Variants in IL12RB1 observed in about 807,000 individuals in gnomAD.
IL12RB1 encodes interleukin-12 receptor subunit beta-1.
Under a neutral mutation model 94.4 loss-of-function variants are expected in IL12RB1, and 64 were observed. The ratio of observed to expected loss-of-function variants is 0.68; its 90% CI spans 0.55 to 0.83. The LOEUF (loss-of-function observed/expected upper bound fraction) is 0.83, where lower values mean the gene tolerates loss of function less well. Ranked by LOEUF, IL12RB1 falls within the 40% of genes least tolerant of loss-of-function variation. The pLI is 0.00. For synonymous variants in IL12RB1, 362 were observed against 355.5 expected (o/e 1.02, Z -0.21); for missense variants, 814 against 855.6 (o/e 0.95, Z 0.61).
chr19:18,070,321 C>T (rs1568496593), intron 9 of IL12RB1, among the ~76,000 whole-genome samples: 2 of 152,262 alleles, frequency 1.3e-5, no homozygotes, highest in Non-Finnish European at 2.9e-5. Flanking sequence ...ATTACACCCA[C>T]TTCCAGCCTT....
At chr19:18,083,378 G>C (rs550185133) in intron 2 of IL12RB1, 54 bp downstream of exon 2, 1 of 1,538,898 alleles carries the variant, frequency 6.5e-7, no homozygotes, top group Admixed American at 1.7e-5. Flanking sequence ...CTGTGGATGG[G>C]GTCAGGCAGA....
intron 15 of IL12RB1, among the ~76,000 whole-genome samples, chr19:18,060,669 T>C (rs1448134866): frequency 6.6e-6 from 1 of 152,064 alleles, no homozygotes; most frequent in African/African-American, 2.4e-5. Flanking sequence ...CATCAGACCC[T>C]TCCCTACCCC....
At chr19:18,095,043 G>A (rs764908026) in intron 1 of IL12RB1, among the ~76,000 whole-genome samples, 5 of 152,038 alleles carry the variant, frequency 3.3e-5, no homozygotes, top group Admixed American at 1.3e-4. Flanking sequence ...GCTGGGAGTG[G>A]TGGCGGGTGT....
chr19:18,093,075 T>C (rs1402059855), intron 1 of IL12RB1, among the ~76,000 whole-genome samples: 1 of 151,464 alleles, frequency 6.6e-6, no homozygotes, highest in African/African-American at 2.4e-5. Context: ...GAGGCTGAGG[T>C]GGGTGGATCG....
Position 18,069,588 on chromosome 19 carries a change from A to G in IL12RB1, c.1147T>C (p.Cys383Arg). ...GGGTCTTGCGGCGCAGTCAGGCTGC[A>G]GGTGGCAAGGCCCCCGTCCTGGCCC... ...PVGQDGGLATCSLTAPQDPDP... is the reference protein window; with the variant it reads ...PVGQDGGLATRSLTAPQDPDP... Residue 383 changes from cysteine (C) to arginine (R), a missense_variant, in exon 10 of 17, where the codon TGC becomes CGC. Cys to Arg is a radical substitution (Grantham distance 180). Transcript: ENST00000593993. The G allele has an allele frequency of 6.2e-7, 1 of 1,612,326 alleles. No homozygotes were observed. The highest frequency in any genetic ancestry group is 8.5e-7 in the Non-Finnish European group (1 of 1,179,858).
chr19:18,072,170 C>T lies in IL12RB1; in HGVS notation c.963G>A (p.Ser321=), dbSNP rs267605361. The change falls in exon 9 of 17, where the codon TCG becomes TCA. Residue 321 remains serine (S), a synonymous_variant. Coordinates refer to ENST00000593993, the MANE Select transcript of IL12RB1 (RefSeq NM_005535.3). ...GGTTCAGGCCAGGACCAAATTGGTT[C>T]GAGGAGATGACAGCCACGTTGTAGG... ...GAAYNVAVIS[S]NQFGPGLNQT... 2.2e-5 allele frequency: 35 copies of T among 1,614,128 alleles called. No homozygotes were observed. Among genetic ancestry groups the T allele is most frequent in the Admixed American group, 8.3e-5 (5 of 60,006 alleles).
chr19:18,073,584 G>A lies in IL12RB1; in HGVS notation c.716C>T (p.Pro239Leu), dbSNP rs1406107454. Reference sequence around the variant, plus strand: ...CTGCTCCACCGAGAATCTCACCTGAGGCTGTGGGGGGTTTTCTGCAATCAG... The same window carrying A: ...CTGCTCCACCGAGAATCTCACCTGAAGCTGTGGGGGGTTTTCTGCAATCAG... Reference protein sequence around the residue: ...VCVPPENPPQPQVRFSVEQLG... With the variant: ...VCVPPENPPQLQVRFSVEQLG... Residue 239 changes from proline to leucine, a missense_variant, in exon 8 of 17, where the codon CCT becomes CTT. Physicochemically the swap from Pro to Leu is moderately conservative, Grantham distance 98. Transcript: ENST00000593993. 3.1e-6 allele frequency: 5 copies of A among 1,611,166 alleles called. No individual in the cohort carries two copies. Among genetic ancestry groups the A allele is most frequent in the Non-Finnish European group, 3.4e-6 (4 of 1,177,550 alleles).
intron 5 of IL12RB1, among the ~76,000 whole-genome samples, 177 bp downstream of exon 5, chr19:18,077,339 G>A (rs2035558933): frequency 1.3e-5 from 2 of 151,902 alleles, no homozygotes; most frequent in Non-Finnish European, 2.9e-5. Context: ...TCCAGCCTGG[G>A]CGACAGAGCA....
chr19:18,066,956 G>A (rs578031674), intron 11 of IL12RB1, among the ~76,000 whole-genome samples: 13 of 150,180 alleles, frequency 8.7e-5, no homozygotes, highest in Non-Finnish European at 1.6e-4. Flanking sequence ...GAGCCCAGGA[G>A]GCAGAGGTTG....
At chr19:18,077,767 G>C in intron 4 of IL12RB1, 112 bp from the exon 5 acceptor site, 1 of 748,086 alleles carries the variant, frequency 1.3e-6, no homozygotes, top group South Asian at 1.4e-5. Flanking sequence ...ATATGAATTA[G>C]GGGACACTTG....
chr19:18,069,939 G>A (rs1034150286), intron 9 of IL12RB1, among the ~76,000 whole-genome samples: 3 of 151,804 alleles, frequency 2.0e-5, no homozygotes, highest in African/African-American at 4.8e-5. Context: ...CTTTGGAGAC[G>A]GATTCTTGCT....
At chr19:18,081,493 T>C (rs569279381) in intron 3 of IL12RB1, among the ~76,000 whole-genome samples, 6 of 151,516 alleles carry the variant, frequency 4.0e-5, no homozygotes, top group African/African-American at 1.4e-4. Context: ...GACCCCAGTA[T>C]CTCCCAGCAA....
chr19:18,070,779 A>G (rs2146232807), intron 9 of IL12RB1: 1 of 151,882 alleles, frequency 6.6e-6, no homozygotes, highest in South Asian at 2.1e-4. Flanking sequence ...GTCTCTACAA[A>G]AAATAAAAAT....
intron 1 of IL12RB1, 45 bp from the exon 2 acceptor site, chr19:18,083,536 G>A (rs376347605): frequency 6.3e-7 from 1 of 1,593,582 alleles, no homozygotes; most frequent in African/African-American, 1.3e-5. Context: ...GCCTTGCACT[G>A]TGTGGGGAGA....
chr19:18,069,844 G>A (rs79424318), intron 9 of IL12RB1, 131 bp from the exon 10 acceptor site: 2 of 697,146 alleles, frequency 2.9e-6, no homozygotes, highest in East Asian at 2.6e-5. Flanking sequence ...GGGTGTCTGT[G>A]TTTGGCTGTT....
upstream of IL12RB1, among the ~76,000 whole-genome samples, chr19:18,089,342 C>T (rs572645194): frequency 5.3e-5 from 8 of 152,032 alleles, no homozygotes; most frequent in South Asian, 2.1e-4. Context: ...GATGAATTTC[C>T]GGCCCGGGCG....
intron 8 of IL12RB1, 76 bp downstream of exon 8, chr19:18,073,441 G>A (rs1217988895): frequency 5.7e-6 from 5 of 881,092 alleles, no homozygotes; most frequent in Non-Finnish European, 9.7e-6. Flanking sequence ...TCTACCACTT[G>A]CTCATCCCCC....
At chr19:18,070,008 C>T (rs990007635) in intron 9 of IL12RB1, among the ~76,000 whole-genome samples, 1 of 152,066 alleles carries the variant, frequency 6.6e-6, no homozygotes, top group Non-Finnish European at 1.5e-5. Flanking sequence ...CTCAGCCTCC[C>T]GGGTTCAAAT....
intron 8 of IL12RB1, among the ~76,000 whole-genome samples, chr19:18,072,579 A>C (rs1460377880): frequency 6.6e-6 from 1 of 152,104 alleles, no homozygotes; most frequent in Non-Finnish European, 1.5e-5. Context: ...GACAAAACCC[A>C]CTGACATTCA....
Sources: gnomAD v4.1 joint callset for allele counts (sites outside exome capture counted in the v4.1 genomes callset) on GRCh38, gnomAD v4.1.1 for gene constraint, MANE v1.5 for transcripts, NCBI Gene and HGNC (gene_info 2026-07-23, HGNC 2026-07-21) for gene names.